The following PRP4K variants were observed in gnomAD, a reference collection of about 807,000 sequenced individuals.
The protein encoded by PRP4K is pre-mRNA processing factor kinase PRP4K.
the PRP4K span, chr6:4,052,627 T>A: frequency 2.9e-6 from 3 of 1,043,032 alleles, no homozygotes; most frequent in Non-Finnish European, 4.0e-6. Flanking sequence ...CGCTTGATTT[T>A]ACTTTATGCT....
At chr6:4,021,797 A>G in the PRP4K span, among the ~76,000 whole-genome samples, 4 of 152,270 alleles carry the variant, frequency 2.6e-5, no homozygotes, top group Admixed American at 6.5e-5. Flanking sequence ...TTGGGGACCC[A>G]TCTGAGCTCC....
chr6:4,025,273 G>A, the PRP4K span, among the ~76,000 whole-genome samples: 1 of 152,184 alleles, frequency 6.6e-6, no homozygotes, highest in Admixed American at 6.5e-5. Flanking sequence ...GGGCCGTTAG[G>A]TTTCTTAACA....
At chr6:4,035,632 C>T in the PRP4K span, among the ~76,000 whole-genome samples, 4 of 152,122 alleles carry the variant, frequency 2.6e-5, no homozygotes, top group East Asian at 3.9e-4. Flanking sequence ...TTCTGTATAC[C>T]GTGCTGAAAC....
the PRP4K span, among the ~76,000 whole-genome samples, chr6:4,029,328 G>A: frequency 6.9e-6 from 1 of 145,114 alleles, no homozygotes; most frequent in African/African-American, 2.6e-5. Context: ...TCTCTAGGGC[G>A]GTGTTACTCA....
the PRP4K span, among the ~76,000 whole-genome samples, chr6:4,045,765 A>G: frequency 6.6e-6 from 1 of 152,202 alleles, no homozygotes; most frequent in East Asian, 1.9e-4. Context: ...TTTAGGATAC[A>G]TTCTAAGTTG....
the PRP4K span, chr6:4,037,290 A>C: frequency 9.4e-7 from 1 of 1,060,270 alleles, no homozygotes; most frequent in Non-Finnish European, 1.3e-6. Context: ...ATCAAAGTTC[A>C]CTTTCTTTAG....
the PRP4K span, among the ~76,000 whole-genome samples, chr6:4,026,388 C>T: frequency 1.3e-5 from 2 of 148,906 alleles, no homozygotes; most frequent in African/African-American, 5.0e-5. Context: ...CTGCAGCCTT[C>T]GCCTCCCAGG....
At chr6:4,035,284 A>ATTTTTTTTTTTTTTTTTTTTTTT in the PRP4K span, among the ~76,000 whole-genome samples, 19 of 58,800 alleles carry the variant, frequency 3.2e-4, 1 homozygote, top group East Asian at 1.8e-3. Context: ...CGCCCGGCTA[A>ATTTTTTTTTTTTTTTTTTTTTTT]TTTTTTTTTT....
chr6:4,032,776 T>G, the PRP4K span: 2 of 1,530,076 alleles, frequency 1.3e-6, no homozygotes, highest in Non-Finnish European at 1.7e-6. Context: ...TACAAAATGT[T>G]AAAGCTTTTT....
chr6:4,057,962 T>G, the PRP4K span, among the ~76,000 whole-genome samples: 3 of 152,174 alleles, frequency 2.0e-5, no homozygotes, highest in East Asian at 5.8e-4. Flanking sequence ...TTTCTAAAGA[T>G]TTACACATTT....
the PRP4K span, chr6:4,047,367 G>T: frequency 3.4e-6 from 3 of 873,634 alleles, no homozygotes; most frequent in Non-Finnish European, 5.1e-6. Flanking sequence ...CAGTGTGGGT[G>T]AAAGGAATCT....
the PRP4K span, chr6:4,049,761 C>A: frequency 6.2e-7 from 1 of 1,612,898 alleles, no homozygotes; most frequent in East Asian, 2.2e-5. Context: ...CCTAGATAAA[C>A]GTTACAATGT....
At chr6:4,058,764 G>T in the PRP4K span, 1 of 1,613,104 alleles carries the variant, frequency 6.2e-7, no homozygotes, top group South Asian at 1.1e-5. Flanking sequence ...TCAGCATTTT[G>T]ATCAAAATCT....
chr6:4,037,389 C>A, the PRP4K span: 1 of 1,567,284 alleles, frequency 6.4e-7, no homozygotes, highest in Non-Finnish European at 8.6e-7. Flanking sequence ...GCATTTGATC[C>A]CCTTAAGAAC....
At chr6:4,055,069 A>G in the PRP4K span, among the ~76,000 whole-genome samples, 2 of 152,242 alleles carry the variant, frequency 1.3e-5, no homozygotes, top group African/African-American at 4.8e-5. Flanking sequence ...TGAAAATCCA[A>G]AGCCTTTAGC....
At chr6:4,052,807 C>T in the PRP4K span, 2 of 1,610,580 alleles carry the variant, frequency 1.2e-6, no homozygotes, top group Non-Finnish European at 1.7e-6. Context: ...AGCAGTTGTT[C>T]CTGGCATTGA....
chr6:4,025,674 C>G, the PRP4K span, among the ~76,000 whole-genome samples: 6 of 152,276 alleles, frequency 3.9e-5, 1 homozygote, highest in African/African-American at 1.4e-4. Context: ...TTCTAATTCC[C>G]AGAAGCTCTA....
At chr6:4,033,051 G>A in the PRP4K span, among the ~76,000 whole-genome samples, 29 of 152,136 alleles carry the variant, frequency 1.9e-4, no homozygotes, top group Non-Finnish European at 3.2e-4. Flanking sequence ...TTCAATCCAT[G>A]TAATTTGGCT....
the PRP4K span, among the ~76,000 whole-genome samples, chr6:4,041,216 C>T: frequency 2.0e-5 from 3 of 152,016 alleles, no homozygotes; most frequent in Admixed American, 6.5e-5. Context: ...TTAGTCCTGC[C>T]GGCCAGAGTT....
Sources: allele counts gnomAD v4.1 joint callset (sites outside exome capture counted in the v4.1 genomes callset), GRCh38; gene constraint gnomAD v4.1.1; transcripts MANE v1.5; gene names NCBI Gene and HGNC (gene_info 2026-07-23, HGNC 2026-07-21).